The following TWF2 variants were observed in gnomAD, a reference collection of about 807,000 sequenced individuals.
TWF2 encodes twinfilin-2.
A neutral mutation model predicts 45.1 loss-of-function variants in TWF2; 15 were observed. The ratio of observed to expected loss-of-function variants is 0.33; its 90% CI spans 0.22 to 0.51. TWF2 has a LOEUF of 0.51. TWF2 is among the 20% of genes least tolerant of loss of function. The pLI, the probability that TWF2 is intolerant of heterozygous loss-of-function variation, is 0.97. For synonymous variants in TWF2, 177 were observed against 195.8 expected, an observed-to-expected ratio of 0.90 and a Z score of 0.80; for missense variants, 423 against 469.1, an observed-to-expected ratio of 0.90 and a Z score of 0.91.
intron 8 of TWF2, 85 bp from the exon 9 acceptor site, chr3:52,229,286 C>A: frequency 6.5e-7 from 1 of 1,531,290 alleles, no homozygotes; most frequent in South Asian, 1.2e-5. Context: ...TGGGGCACCC[C>A]TTACTCTCAC....
At chr3:52,237,490 G>A (rs1173309107) in intron 1 of TWF2, among the ~76,000 whole-genome samples, 1 of 152,210 alleles carries the variant, frequency 6.6e-6, no homozygotes, top group East Asian at 1.9e-4. Flanking sequence ...GGAGGGCTAG[G>A]GGCAGCCCAG....
chr3:52,232,050 G>A lies in TWF2; in HGVS notation c.176C>T (p.Pro59Leu). The change falls in exon 3 of 9, where the codon CCA becomes CTA. Residue 59 changes from proline to leucine, a missense_variant. Physicochemically the swap from Pro to Leu is moderately conservative, Grantham distance 98. Transcript: ENST00000305533. The stretch of plus-strand genomic sequence containing the variant: ...GCAGGGCTGCTGGGCGTCCAGCAGT[G>A]GCAGCACGGCCCTGTCATAGTCCTG... ...WDQDYDRAVL[P>L]LLDAQQPCYL... is the part of the protein sequence containing the mutation. The A allele has an allele frequency of 1.2e-6, 2 of 1,613,882 alleles. No individual in the cohort carries two copies. Among genetic ancestry groups the A allele is most frequent in the South Asian group, 1.1e-5 (1 of 91,090 alleles).
At chr3:52,232,572 A>C (rs540242729) in intron 2 of TWF2, among the ~76,000 whole-genome samples, 1 of 152,042 alleles carries the variant, frequency 6.6e-6, no homozygotes, top group Non-Finnish European at 1.5e-5. Context: ...GACTCCCCTC[A>C]GGACAAATGT....
At position 52,231,453 on chromosome 3, in the gene TWF2, C is replaced by T. The variant is rs1433274332; in HGVS notation, c.369G>A (p.Gly123=). ...CCTGGCTTAGGATTACCTTCACAGTCCCGAAGAGCTCATCCTTGATGTGGC... is the reference window on the plus strand; with the variant it reads ...CCTGGCTTAGGATTACCTTCACAGTTCCGAAGAGCTCATCCTTGATGTGGC... ...GGGHIKDELF[G]TVKDDLSFAG... The change falls in exon 4 of 9, where the codon GGG becomes GGA. Residue 123 remains glycine, a synonymous_variant. Coordinates refer to ENST00000305533, the MANE Select transcript of TWF2 (RefSeq NM_007284.4). 1 of 1,613,914 alleles carries T rather than the reference C, an allele frequency of 6.2e-7. No homozygotes were observed. Among genetic ancestry groups the T allele is most frequent in the Non-Finnish European group, 8.5e-7 (1 of 1,179,900 alleles).
At chr3:52,229,849 G>A in intron 7 of TWF2, 67 bp from the exon 8 acceptor site, 1 of 1,595,802 alleles carries the variant, frequency 6.3e-7, no homozygotes, top group South Asian at 1.1e-5. Flanking sequence ...CCCAGAGCAG[G>A]CCTGCCCCAC....
intron 4 of TWF2, 104 bp from the exon 5 acceptor site, chr3:52,231,335 GCCC>G: frequency 6.4e-7 from 1 of 1,556,940 alleles, no homozygotes; most frequent in Non-Finnish European, 8.8e-7. Context: ...CTCCCCCAGC[GCCC>G]CCATCTTCCT....
At chr3:52,235,451 G>A (rs1228650197) in intron 1 of TWF2, among the ~76,000 whole-genome samples, 1 of 152,140 alleles carries the variant, frequency 6.6e-6, no homozygotes, top group African/African-American at 2.4e-5. Flanking sequence ...CCGAGCTCTG[G>A]GCTGGCCTGG....
At chr3:52,236,539 A>G (rs992823593) in intron 1 of TWF2, among the ~76,000 whole-genome samples, 4 of 152,162 alleles carry the variant, frequency 2.6e-5, no homozygotes, top group Non-Finnish European at 5.9e-5. Flanking sequence ...AGGCTGCCCA[A>G]GGGTCAGGGG....
At chr3:52,231,021 G>A in intron 5 of TWF2, 26 bp from the exon 6 acceptor site, 1 of 1,609,024 alleles carries the variant, frequency 6.2e-7, no homozygotes, top group Non-Finnish European at 8.5e-7. Context: ...TGGTGAGGGA[G>A]GCCCTCACCG....
At position 52,239,156 on chromosome 3, in the gene TWF2, C is replaced by T; in HGVS notation, c.-140G>A. On this transcript the variant is annotated 5_prime_UTR_variant, in exon 1 of 9. Transcript: ENST00000305533. ...CAGCTTCCCGGGCGGTGCCGCAGGA[C>T]CCGCCCCCAGCGGCGCCCCGCCCCC... 1 of 1,169,928 alleles carries T rather than the reference C, an allele frequency of 8.5e-7. No homozygotes were observed. Among genetic ancestry groups the T allele is most frequent in the Non-Finnish European group, 1.1e-6 (1 of 920,718 alleles). 72.5% of individuals were successfully genotyped at this position (1,169,928 alleles called of 1,614,324 possible).
chr3:52,233,431 A>T (rs540918591), intron 2 of TWF2, among the ~76,000 whole-genome samples: 125 of 152,372 alleles, frequency 8.2e-4, no homozygotes, highest in African/African-American at 2.9e-3. Context: ...AACATTTTCA[A>T]ACTGGGAAAT....
chr3:52,231,292 G>A, intron 4 of TWF2, 61 bp from the exon 5 acceptor site: 2 of 1,594,960 alleles, frequency 1.3e-6, no homozygotes, highest in Non-Finnish European at 1.7e-6. Context: ...GCTAGAGGAG[G>A]CCCACGGAGC....
Position 52,239,062 on chromosome 3 carries a change from A to T in TWF2, c.-46T>A. 6.3e-7 allele frequency: 1 copy of T among 1,584,144 alleles called. No homozygotes were observed. The highest frequency in any genetic ancestry group is 8.5e-7 in the Non-Finnish European group (1 of 1,172,596). ...CCGCGCCGTCGGAGCCCTCCGCTTG[A>T]CCCTGGCCCGGCAACGCTCGCTGGA... is the stretch of plus-strand genomic sequence containing the variant. On this transcript the variant is annotated 5_prime_UTR_variant, in exon 1 of 9. Coordinates refer to ENST00000305533, the MANE Select transcript of TWF2 (RefSeq NM_007284.4).
rs766733983 is a variant in TWF2, at chr3:52,230,090, G to C, written c.610-20C>G. 1 of 1,560,630 alleles carries C rather than the reference G, an allele frequency of 6.4e-7. No individual in the cohort carries two copies. Among genetic ancestry groups the C allele is most frequent in the South Asian group, 1.2e-5 (1 of 86,770 alleles). Reference sequence around the variant, plus strand: ...CAGCTTCTGCCCAGGGCCAAGGGAAGATGGGAGAGCACCAGGTCGGGGTGG... The same window carrying C: ...CAGCTTCTGCCCAGGGCCAAGGGAACATGGGAGAGCACCAGGTCGGGGTGG... On this transcript the variant is annotated intron_variant, in intron 6 of 8. Coordinates refer to ENST00000305533, the MANE Select transcript of TWF2 (RefSeq NM_007284.4).
chr3:52,234,963 C>T (rs1699711236), intron 2 of TWF2, 66 bp downstream of exon 2: 1 of 1,570,372 alleles, frequency 6.4e-7, no homozygotes, highest in East Asian at 2.2e-5. Flanking sequence ...CATCCTCCTT[C>T]CCCCACCCAC....
In TWF2 at chr3:52,239,112, G is replaced by A. The variant is rs919257115; in HGVS notation, c.-96C>T. The A allele has an allele frequency of 1.7e-5, 25 of 1,450,380 alleles. No homozygotes were observed. The highest frequency in any genetic ancestry group is 2.4e-4 in the Middle Eastern group (1 of 4,238). 89.8% of individuals were successfully genotyped at this position (1,450,380 alleles called of 1,614,324 possible). A position where few individuals can be genotyped will look rare whatever the true frequency, so the allele number is the denominator to read the frequency against. ...ACCAAGAGAGGTGGAGGATGTGGCG[G>A]AGGCTGTCGACCCTCGCGCAGCTTC... On this transcript the variant is annotated 5_prime_UTR_variant, in exon 1 of 9. Coordinates refer to ENST00000305533, the MANE Select transcript of TWF2 (RefSeq NM_007284.4).
In TWF2 at chr3:52,239,095, A is replaced by G. The variant is rs2107307265; in HGVS notation, c.-79T>C. On this transcript the variant is annotated 5_prime_UTR_variant, in exon 1 of 9. Transcript: ENST00000305533. ...CCGGCAACGCTCGCTGGACCAAGAG[A>G]GGTGGAGGATGTGGCGGAGGCTGTC... 6.6e-7 allele frequency: 1 copy of G among 1,523,550 alleles called. No homozygotes were observed. Among genetic ancestry groups the G allele is most frequent in the Non-Finnish European group, 8.8e-7 (1 of 1,136,050 alleles). 94.4% of individuals were successfully genotyped at this position (1,523,550 alleles called of 1,614,324 possible).
At chr3:52,237,878 G>A (rs1402072166) in intron 1 of TWF2, among the ~76,000 whole-genome samples, 2 of 152,246 alleles carry the variant, frequency 1.3e-5, no homozygotes, top group African/African-American at 4.8e-5. Context: ...GCCCCAGGCA[G>A]GGGATCCTAG....
Position 52,229,745 on chromosome 3 carries a change from G to A in TWF2, c.798C>T (p.Ile266=). 6.2e-7 allele frequency: 1 copy of A among 1,613,146 alleles called. No homozygotes were observed. The highest frequency in any genetic ancestry group is 8.5e-7 in the Non-Finnish European group (1 of 1,179,968). ...IYSMPGYKCS[I]KERMLYSSCK... is the part of the protein sequence containing the mutation. The stretch of plus-strand genomic sequence containing the variant: ...AGCTGGAGTAGAGCATTCGCTCCTT[G>A]ATGCTGCACTTGTACCCCGGCATGG... The change falls in exon 8 of 9, where the codon ATC becomes ATT. Residue 266 remains isoleucine, a synonymous_variant. Transcript: ENST00000305533.
Sources: gnomAD v4.1 joint callset for allele counts (sites outside exome capture counted in the v4.1 genomes callset) on GRCh38, gnomAD v4.1.1 for gene constraint, MANE v1.5 for transcripts, NCBI Gene and HGNC (gene_info 2026-07-23, HGNC 2026-07-21) for gene names.